The following ZNF669 variants were observed in gnomAD, a reference collection of about 807,000 sequenced individuals.
ZNF669 encodes the protein zinc finger protein 669.
ZNF669 carries 7 observed loss-of-function variants against 11.4 expected under a neutral mutation model. The ratio of observed to expected loss-of-function variants is 0.62; its 90% confidence interval spans 0.35 to 1.16. The LOEUF (loss-of-function observed/expected upper bound fraction) is 1.16. Ranked by LOEUF, ZNF669 falls within the 50% of genes most tolerant of loss-of-function variation. The pLI is 0.02. For synonymous variants in ZNF669, 153 were observed against 155.8 expected (o/e 0.98, Z 0.13); for missense variants, 492 against 463.6 (o/e 1.06, Z -0.56).
chr1:247,103,954 G>C lies in ZNF669; in HGVS notation c.3+243C>G, dbSNP rs140880603. On this transcript the variant is annotated intron_variant, in intron 1 of 3. Coordinates refer to ENST00000448299, the MANE Select transcript of ZNF669 (RefSeq NM_001142572.2). ...ACCACACTACCTGGATAGGGGAGGC[G>C]AGGGGTTCCCGACAGGGCTCCGGCC... 88 of 1,602,982 alleles carry C rather than the reference G, an allele frequency of 5.5e-5. No individual in the cohort carries two copies. In the African/African-American group the frequency reaches 1.0e-3, roughly 19 times the overall value.
chr1:247,100,807 A>G lies in ZNF669; in HGVS notation c.704T>C (p.Phe235Ser). ...AGTGTGAGTCCTTTCATGCGTCTTA[A>G]AAGAACAAGAAAATCTGAATGTTTT... ...CGKTFRFSCS[F>S]KTHERTHTGE... Residue 235 changes from phenylalanine to serine, a missense_variant, in exon 4 of 4, where the codon TTT (phenylalanine) becomes TCT (serine). Physicochemically the swap from Phe to Ser is radical, Grantham distance 155. Transcript: ENST00000448299. 2.5e-6 allele frequency: 4 copies of G among 1,613,874 alleles called. No homozygotes were observed. The highest frequency in any genetic ancestry group is 3.4e-6 in the Non-Finnish European group (4 of 1,179,890).
At position 247,101,776 on chromosome 1, in the gene ZNF669, T is replaced by G; in HGVS notation, c.146A>C (p.Asp49Ala). The G allele has an allele frequency of 6.2e-7, 1 of 1,614,008 alleles. No individual in the cohort carries two copies. The highest frequency in any genetic ancestry group is 8.5e-7 in the Non-Finnish European group (1 of 1,179,990). Residue 49 changes from aspartate to alanine, a missense_variant, in exon 3 of 4, where the codon GAC becomes GCC. By Grantham distance (126) the Asp-to-Ala change is moderately radical. Coordinates refer to ENST00000448299, the MANE Select transcript of ZNF669 (RefSeq NM_001142572.2). ...TTCGAAGTGATCTTCAATATTCTGG[T>G]CTTTCCATTGGCTTCCTAAAATGCA... Reference protein sequence around the residue: ...NLASVGSQWKDQNIEDHFEKP... With the variant: ...NLASVGSQWKAQNIEDHFEKP...
At chr1:247,101,424 A>ATT (rs138228553) in intron 3 of ZNF669, 105 bp from the exon 4 acceptor site, 52 of 1,119,198 alleles carry the variant, frequency 4.6e-5, no homozygotes, top group South Asian at 5.8e-5. Flanking sequence ...GGGAAAATGC[A>ATT]TTTTTTTTTT....
Position 247,103,621 on chromosome 1 carries a change from G to A in ZNF669, c.3+576C>T, listed in dbSNP as rs568957742. 4.6e-5 allele frequency among the ~76,000 whole-genome samples: 5 copies of A among 108,842 alleles called. No individual in the cohort carries two copies. The South Asian group carries it at 1.8e-3, about 40-fold the overall frequency. 71.4% of individuals were successfully genotyped at this position (108,842 alleles called of 152,430 possible). On this transcript the variant is annotated intron_variant, in intron 1 of 3. Coordinates refer to ENST00000448299, the MANE Select transcript of ZNF669 (RefSeq NM_001142572.2). Reference sequence around the variant, plus strand: ...GCACTCCAGCCTGGCGACAGGGCGAGATTCCGTCTCCAAAAAAAAAAAAAA... The same window carrying A: ...GCACTCCAGCCTGGCGACAGGGCGAAATTCCGTCTCCAAAAAAAAAAAAAA...
At chr1:247,104,067 A>C (rs1671789974) in intron 1 of ZNF669, 130 bp downstream of exon 1, 1 of 1,582,428 alleles carries the variant, frequency 6.3e-7, no homozygotes, top group Non-Finnish European at 8.6e-7. Flanking sequence ...AAGAGGACTG[A>C]GCCCCGGCTA....
chr1:247,104,295 C>A lies in ZNF669; in HGVS notation c.-96G>T. Reference sequence around the variant, plus strand: ...GGCTGCTGCAGAGCCACCTGGGCCTCCCAGAGCCAAGAACTAGCAGCGGAG... The same window carrying A: ...GGCTGCTGCAGAGCCACCTGGGCCTACCAGAGCCAAGAACTAGCAGCGGAG... On this transcript the variant is annotated 5_prime_UTR_variant, in exon 1 of 4. Transcript: ENST00000448299. 1 of 1,415,346 alleles carries A rather than the reference C, an allele frequency of 7.1e-7. No homozygotes were observed. The allele number at this position is 1,415,346 out of a possible 1,614,324, so 87.7% of individuals were successfully genotyped here. A position where few individuals can be genotyped will look rare whatever the true frequency, so the allele number is the denominator to read the frequency against.
rs773288344 is a variant in ZNF669, at chr1:247,102,130, A to G, written c.4-17T>C. 1.9e-6 allele frequency: 3 copies of G among 1,576,472 alleles called. No homozygotes were observed. In the South Asian group the frequency reaches 3.5e-5, roughly 18 times the overall value. On this transcript the variant is annotated splice_polypyrimidine_tract_variant and intron_variant, in intron 1 of 3. Transcript: ENST00000448299. ...CACCGAGTCCTAGAACATTCCACAC[A>G]TGTGGATAGAAGGATGGGTGAGACT...
Position 247,102,025 on chromosome 1 carries a change from T to C in ZNF669, c.92A>G (p.Glu31Gly), listed in dbSNP as rs1008700935. The change falls in exon 2 of 4, where the codon GAA (glutamate) becomes GGA (glycine). Residue 31 changes from glutamate (E) to glycine (G), a missense_variant. Coordinates refer to ENST00000448299, the MANE Select transcript of ZNF669 (RefSeq NM_001142572.2). ...GTTCCTGCAGGTTTCCTGCATCACTTCTCTGTAGAGATTCTTCTGAGAAGA... is the reference window on the plus strand; with the variant it reads ...GTTCCTGCAGGTTTCCTGCATCACTCCTCTGTAGAGATTCTTCTGAGAAGA... The part of the protein sequence containing the change: ...LDSSQKNLYR[E>G]VMQETCRNLA... 1.2e-6 allele frequency: 2 copies of C among 1,613,916 alleles called. No homozygotes were observed. The highest frequency in any genetic ancestry group is 1.7e-6 in the Non-Finnish European group (2 of 1,179,932).
At position 247,100,828 on chromosome 1, in the gene ZNF669, G is replaced by T; in HGVS notation, c.683C>A (p.Thr228Lys). ...CTTAAAAGAACAAGAAAATCTGAAT[G>T]TTTTCCCACATTCCTTACATTCGTA... ...KPYECKECGK[T>K]FRFSCSFKTH... The change falls in exon 4 of 4, where the codon ACA (threonine) becomes AAA (lysine). Residue 228 changes from threonine to lysine, a missense_variant. Transcript: ENST00000448299. 6.2e-7 allele frequency: 1 copy of T among 1,614,016 alleles called. No individual in the cohort carries two copies. The highest frequency in any genetic ancestry group is 2.2e-5 in the East Asian group (1 of 44,884).
rs753569765 is a variant in ZNF669 at position 247,102,089 on chromosome 1, C to T, written c.28G>A (p.Ala10Thr). The T allele has an allele frequency of 4.3e-6, 7 of 1,610,142 alleles. No homozygotes were observed. The highest frequency in any genetic ancestry group is 5.9e-6 in the Non-Finnish European group (7 of 1,178,366). Residue 10 changes from alanine to threonine, a missense_variant, in exon 2 of 4, where the codon GCT becomes ACT. Coordinates refer to ENST00000448299, the MANE Select transcript of ZNF669 (RefSeq NM_001142572.2). Reference protein sequence around the residue: MDSVAFEDVAVNFTQEEWAL... With the variant: MDSVAFEDVTVNFTQEEWAL... ...CATTCCTCCTGGGTAAAGTTCACAG[C>T]CACATCCTCAAAAGCCACCGAGTCC...
chr1:247,100,824 G>A lies in ZNF669; in HGVS notation c.687C>T (p.Phe229=). ...GCGTCTTAAAAGAACAAGAAAATCT[G>A]AATGTTTTCCCACATTCCTTACATT... The part of the protein sequence containing the change: ...PYECKECGKT[F]RFSCSFKTHE... Residue 229 remains phenylalanine (F), a synonymous_variant, in exon 4 of 4, where the codon TTC becomes TTT. Transcript: ENST00000448299. The A allele has an allele frequency of 1.2e-6, 2 of 1,613,986 alleles. No individual in the cohort carries two copies.
rs1056555605 is a variant in ZNF669 at position 247,102,111 on chromosome 1, G to A, written c.6C>T (p.Asp2=). M[D]SVAFEDVAVN... ...CAGCCACATCCTCAAAAGCCACCGAGTCCTAGAACATTCCACACATGTGGA... is the reference window on the plus strand; with the variant it reads ...CAGCCACATCCTCAAAAGCCACCGAATCCTAGAACATTCCACACATGTGGA... Residue 2 remains aspartate (D), a splice_region_variant and synonymous_variant, in exon 2 of 4, where the codon GAC becomes GAT. Coordinates refer to ENST00000448299, the MANE Select transcript of ZNF669 (RefSeq NM_001142572.2). 1 of 1,599,110 alleles carries A rather than the reference G, an allele frequency of 6.3e-7. No homozygotes were observed. The highest frequency in any genetic ancestry group is 8.5e-7 in the Non-Finnish European group (1 of 1,173,974).
chr1:247,100,561 C>G lies in ZNF669; in HGVS notation c.950G>C (p.Ser317Thr), dbSNP rs1427183883. 6.2e-7 allele frequency: 1 copy of G among 1,614,200 alleles called. No homozygotes were observed. The highest frequency in any genetic ancestry group is 2.2e-5 in the East Asian group (1 of 44,884). Reference protein sequence around the residue: ...KQCDQAFSRLSSLHLHERIHT... With the variant: ...KQCDQAFSRLTSLHLHERIHT... ...AATTCTTTCGTGGAGGTGAAGGGAA[C>G]TGAGGCGACTGAAGGCTTGATCACA... is the stretch of plus-strand genomic sequence containing the variant. The change falls in exon 4 of 4, where the codon AGT (serine) becomes ACT (threonine). Residue 317 changes from serine to threonine, a missense_variant. Ser to Thr is a moderately conservative substitution (Grantham distance 58, BLOSUM62 1). Transcript: ENST00000448299.
rs139776710 is a variant in ZNF669, at chr1:247,101,125, T to C, written c.386A>G (p.Lys129Arg). Residue 129 changes from lysine to arginine, a missense_variant, in exon 4 of 4, where the codon AAA becomes AGA. Coordinates refer to ENST00000448299, the MANE Select transcript of ZNF669 (RefSeq NM_001142572.2). Reference protein sequence around the residue: ...NRHILAHSGYKPYGEKQYKCE... With the variant: ...NRHILAHSGYRPYGEKQYKCE... ...TTTATATTGCTTCTCTCCATATGGT[T>C]TGTATCCTGAGTGAGCTAGGATATG... 1.2e-6 allele frequency: 2 copies of C among 1,613,968 alleles called. No individual in the cohort carries two copies. Among genetic ancestry groups the C allele is most frequent in the African/African-American group, 2.7e-5 (2 of 74,942 alleles).
In ZNF669 at chr1:247,100,606, T is replaced by TTC. The variant is rs1243696613; in HGVS notation, c.903_904dup (p.Lys302ArgfsTer56). ...ATCACATTGTTTACATTCATAGGGT[T>TTC]TCTCTCCGGTATGAGTACTTCTATG... On this transcript the variant is annotated frameshift_variant, in exon 4 of 4. Coordinates refer to ENST00000448299, the MANE Select transcript of ZNF669 (RefSeq NM_001142572.2). LOFTEE classifies it low-confidence loss of function (END_TRUNC). 1 of 1,614,198 alleles carries TTC rather than the reference T, an allele frequency of 6.2e-7. No homozygotes were observed. Among genetic ancestry groups the TTC allele is most frequent in the Non-Finnish European group, 8.5e-7 (1 of 1,180,024 alleles).
chr1:247,100,727 A>C lies in ZNF669; in HGVS notation c.784T>G (p.Ser262Ala). 1 of 1,614,236 alleles carries C rather than the reference A, an allele frequency of 6.2e-7. No individual in the cohort carries two copies. The highest frequency in any genetic ancestry group is 8.5e-7 in the Non-Finnish European group (1 of 1,180,044). Residue 262 changes from serine (S) to alanine (A), a missense_variant, in exon 4 of 4, where the codon TCC becomes GCC. Ser to Ala is a moderately conservative substitution (Grantham distance 99, BLOSUM62 1). Transcript: ENST00000448299. ...KCDKAFSCSTSLRYHGSIHTG... is the reference protein window; with the variant it reads ...KCDKAFSCSTALRYHGSIHTG... Reference sequence around the variant, plus strand: ...TGAATGCTTCCATGGTAACGAAGGGAAGTGGAACAGCTGAAGGCTTTATCA... The same window carrying C: ...TGAATGCTTCCATGGTAACGAAGGGCAGTGGAACAGCTGAAGGCTTTATCA...
chr1:247,101,238 A>G lies in ZNF669; in HGVS notation c.273T>C (p.Asp91=). 5.0e-6 allele frequency: 8 copies of G among 1,613,724 alleles called. No individual in the cohort carries two copies. Among genetic ancestry groups the G allele is most frequent in the Non-Finnish European group, 6.8e-6 (8 of 1,179,890 alleles). The change falls in exon 4 of 4, where the codon GAT becomes GAC. Residue 91 remains aspartate (D), a synonymous_variant. Coordinates refer to ENST00000448299, the MANE Select transcript of ZNF669 (RefSeq NM_001142572.2). ...ATCCAGTAGAAATGTTCTCGTTCAG[A>G]TCAAGATTTGGAATTTGGCTGACAA... ...GEVVSQIPNL[D]LNENISTGLK...
At chr1:247,103,081 TTA>T (rs1671755117) in intron 1 of ZNF669, among the ~76,000 whole-genome samples, 1 of 151,888 alleles carries the variant, frequency 6.6e-6, no homozygotes, top group Non-Finnish European at 1.5e-5. Flanking sequence ...AAAAAAAGAG[TTA>T]TGTCTTGCCT....
rs142004182 is a variant in ZNF669 at position 247,100,556 on chromosome 1, G to C, written c.955C>G (p.Leu319Val). ...GTATGAATTCTTTCGTGGAGGTGAA[G>C]GGAACTGAGGCGACTGAAGGCTTGA... ...CDQAFSRLSS[L>V]HLHERIHTGE... The change falls in exon 4 of 4, where the codon CTT (leucine) becomes GTT (valine). Residue 319 changes from leucine (L) to valine (V), a missense_variant. Coordinates refer to ENST00000448299, the MANE Select transcript of ZNF669 (RefSeq NM_001142572.2). 6 of 1,614,100 alleles carry C rather than the reference G, an allele frequency of 3.7e-6. No individual in the cohort carries two copies. The African/African-American group carries it at 8.0e-5, about 22-fold the overall frequency.
Sources: allele counts gnomAD v4.1 joint callset (sites outside exome capture counted in the v4.1 genomes callset), GRCh38; gene constraint gnomAD v4.1.1; transcripts MANE v1.5; gene names NCBI Gene and HGNC (gene_info 2026-07-23, HGNC 2026-07-21).